KIAA0825: variants seen among roughly 807,000 people sequenced by gnomAD.
The protein encoded by KIAA0825 is KIAA0825, also known as uncharacterized protein KIAA0825.
KIAA0825 carries 119 observed loss-of-function variants against 147.6 expected under a neutral mutation model. The ratio of observed to expected loss-of-function variants is 0.81; its 90% CI spans 0.69 to 0.94. KIAA0825 has a LOEUF of 0.94. KIAA0825 is among the 40% of genes least tolerant of loss of function. The pLI is 0.00. For missense variants in KIAA0825, 1,381 were observed against 1,472.7 expected, an observed-to-expected ratio of 0.94 and a Z score of 1.02; for synonymous variants, 470 against 518.1, an observed-to-expected ratio of 0.91 and a Z score of 1.26.
intron 17 of KIAA0825, among the ~76,000 whole-genome samples, chr5:94,395,474 T>C (rs548798069): frequency 2.0e-5 from 3 of 151,890 alleles, no homozygotes; most frequent in Admixed American, 1.3e-4. Flanking sequence ...GAGGACTCTA[T>C]GTACATATTT....
intron 20 of KIAA0825, among the ~76,000 whole-genome samples, chr5:94,276,222 G>A (rs1399521119): frequency 1.3e-5 from 2 of 152,124 alleles, no homozygotes; most frequent in African/African-American, 4.8e-5. Context: ...GAATGTGAGT[G>A]GTTACGGGCA....
rs187414896 is a variant in KIAA0825, at chr5:94,487,757, C to A, written c.971-2827G>T. Among the ~76,000 whole-genome samples, 3 of 152,220 alleles carry A rather than the reference C, an allele frequency of 2.0e-5. No individual in the cohort carries two copies. The East Asian group carries it at 5.8e-4, about 30-fold the overall frequency. The stretch of plus-strand genomic sequence containing the variant: ...CTGCCAGTCTGGGCAACATGGCAAA[C>A]CCCATCTCTACAAAAAAAATACCAA... On this transcript the variant is annotated intron_variant, in intron 5 of 20. Transcript: ENST00000682413.
chr5:94,477,686 GA>G (rs1313609187), intron 6 of KIAA0825, among the ~76,000 whole-genome samples: 2 of 151,942 alleles, frequency 1.3e-5, no homozygotes, highest in African/African-American at 4.8e-5. Context: ...AGCATAACGA[GA>G]AAAATTATAC....
chr5:94,499,023 T>A (rs891545288), intron 5 of KIAA0825, among the ~76,000 whole-genome samples: 1 of 152,208 alleles, frequency 6.6e-6, no homozygotes, highest in Non-Finnish European at 1.5e-5. Context: ...TTCTTTTACC[T>A]CCTAGATTTG....
chr5:94,204,797 A>G lies in KIAA0825; in HGVS notation c.3711-50673T>C, dbSNP rs571143422. 6.6e-5 allele frequency among the ~76,000 whole-genome samples: 10 copies of G among 152,348 alleles called. No homozygotes were observed. The East Asian group carries it at 1.9e-3, about 29-fold the overall frequency. On this transcript the variant is annotated intron_variant, in intron 20 of 20. Transcript: ENST00000682413. The stretch of plus-strand genomic sequence containing the variant: ...ACAGGGGGCAGTTAATCATCACTCA[A>G]AAGTTCCCCATTCAGGAATAACTTC...
intron 7 of KIAA0825, among the ~76,000 whole-genome samples, chr5:94,474,208 A>G (rs1761569819): frequency 6.6e-6 from 1 of 152,120 alleles, no homozygotes; most frequent in Non-Finnish European, 1.5e-5. Flanking sequence ...GAAGGGGTTG[A>G]GCTACAGTTG....
intron 20 of KIAA0825, among the ~76,000 whole-genome samples, chr5:94,238,940 C>T: frequency 6.6e-6 from 1 of 152,156 alleles, no homozygotes; most frequent in East Asian, 1.9e-4. Flanking sequence ...ATTTGTGCCA[C>T]TATATAACAT....
rs188711380 is a variant in KIAA0825, at chr5:94,208,852, C to T, written c.3711-54728G>A. On this transcript the variant is annotated intron_variant, in intron 20 of 20. Coordinates refer to ENST00000682413, the MANE Select transcript of KIAA0825 (RefSeq NM_001145678.3). ...AGAAGCAAGTGTTTGAACTTGAAAA[C>T]GGGCCAGGGCTTATTCATACAAGAA... Among the ~76,000 whole-genome samples, 9 of 152,302 alleles carry T rather than the reference C, an allele frequency of 5.9e-5. No homozygotes were observed. The East Asian group carries it at 1.2e-3, about 20-fold the overall frequency.
intron 2 of KIAA0825, among the ~76,000 whole-genome samples, chr5:94,546,792 CAAA>C (rs372542896): frequency 4.0e-5 from 2 of 49,690 alleles, no homozygotes; most frequent in African/African-American, 8.9e-5. Context: ...GTCCAGGCAC[CAAA>C]AAAAAAAAAA....
intron 20 of KIAA0825, among the ~76,000 whole-genome samples, chr5:94,227,678 T>C (rs1026958082): frequency 2.6e-5 from 4 of 151,808 alleles, no homozygotes; most frequent in African/African-American, 7.3e-5. Context: ...TGCAGGGACA[T>C]GGATGAAGCT....
At chr5:94,166,884 T>C (rs1336171148) in intron 20 of KIAA0825, among the ~76,000 whole-genome samples, 1 of 152,132 alleles carries the variant, frequency 6.6e-6, no homozygotes, top group Non-Finnish European at 1.5e-5. Flanking sequence ...GATTGGAAAC[T>C]ATAGAATATG....
chr5:94,366,898 G>A (rs1305236387), intron 20 of KIAA0825, among the ~76,000 whole-genome samples: 1 of 152,184 alleles, frequency 6.6e-6, no homozygotes, highest in Non-Finnish European at 1.5e-5. Context: ...GGTTTCTACT[G>A]GCTGGAACGG....
At chr5:94,483,627 T>C (rs1275728712) in intron 6 of KIAA0825, among the ~76,000 whole-genome samples, 1 of 151,726 alleles carries the variant, frequency 6.6e-6, no homozygotes. Context: ...CTATAGTCCA[T>C]CTTTATTTTT....
intron 1 of KIAA0825, among the ~76,000 whole-genome samples, chr5:94,587,682 T>C (rs2152382401): frequency 6.6e-6 from 1 of 152,236 alleles, no homozygotes. Context: ...CTTCACAGAA[T>C]TGGGAAAAAC....
chr5:94,159,986 T>C (rs1767400678), intron 20 of KIAA0825, among the ~76,000 whole-genome samples: 1 of 152,230 alleles, frequency 6.6e-6, no homozygotes, highest in African/African-American at 2.4e-5. Flanking sequence ...TACCAATATA[T>C]AGCTGAGGAG....
intron 20 of KIAA0825, among the ~76,000 whole-genome samples, chr5:94,301,788 A>T (rs192872185): frequency 5.3e-5 from 8 of 152,264 alleles, no homozygotes; most frequent in Non-Finnish European, 8.8e-5. Context: ...ACATAATGAA[A>T]ACACATTATG....
chr5:94,540,023 G>C (rs1428823851), intron 2 of KIAA0825, among the ~76,000 whole-genome samples: 1 of 152,150 alleles, frequency 6.6e-6, no homozygotes, highest in Non-Finnish European at 1.5e-5. Flanking sequence ...AGACCCCTTT[G>C]TGACCAACAA....
intron 1 of KIAA0825, among the ~76,000 whole-genome samples, chr5:94,585,339 G>A (rs1299058342): frequency 6.6e-6 from 1 of 152,184 alleles, no homozygotes; most frequent in Non-Finnish European, 1.5e-5. Context: ...AAGGGATGGA[G>A]GAAGATCTAC....
At chr5:94,594,626 C>A in intron 1 of KIAA0825, 1 of 652,282 alleles carries the variant, frequency 1.5e-6, no homozygotes, top group Non-Finnish European at 2.9e-6. Context: ...GTAGAAATAT[C>A]CTTCACATAA....
Sources: allele counts gnomAD v4.1 joint callset (sites outside exome capture counted in the v4.1 genomes callset), GRCh38; gene constraint gnomAD v4.1.1; transcripts MANE v1.5; gene names NCBI Gene and HGNC (gene_info 2026-07-23, HGNC 2026-07-21).